Variants in NKAIN3 observed in about 807,000 individuals in gnomAD.
NKAIN3 encodes the protein sodium/potassium-transporting ATPase subunit beta-1-interacting protein 3.
NKAIN3 carries 25 observed loss-of-function variants against 30.2 expected under a neutral mutation model. The ratio of observed to expected loss-of-function variants is 0.83; its 90% CI spans 0.60 to 1.16. The LOEUF is 1.16. Ranked by LOEUF, NKAIN3 falls within the 50% of genes most tolerant of loss-of-function variation. The pLI, the probability that NKAIN3 is intolerant of heterozygous loss-of-function variation, is 0.00. For synonymous variants in NKAIN3, 91 were observed against 89.6 expected (o/e 1.02, Z -0.09); for missense variants, 225 against 254.1 (o/e 0.89, Z 0.78).
chr8:62,275,539 G>A (rs907572843), intron 1 of NKAIN3, among the ~76,000 whole-genome samples: 3 of 151,788 alleles, frequency 2.0e-5, no homozygotes, highest in Non-Finnish European at 4.4e-5. Flanking sequence ...ATTCTTTTTT[G>A]TAATCATAAA....
chr8:62,684,182 C>T (rs1286166592), intron 3 of NKAIN3, among the ~76,000 whole-genome samples: 2 of 152,162 alleles, frequency 1.3e-5, no homozygotes, highest in Non-Finnish European at 2.9e-5. Flanking sequence ...TTGTGTGAGA[C>T]TCACCTTGGC....
chr8:62,672,612 A>G (rs1422222488), intron 3 of NKAIN3, among the ~76,000 whole-genome samples: 1 of 152,180 alleles, frequency 6.6e-6, no homozygotes, highest in Non-Finnish European at 1.5e-5. Context: ...TGTCTACAAG[A>G]TGTGAGTGGA....
chr8:62,291,349 T>G (rs1289030903), intron 1 of NKAIN3, among the ~76,000 whole-genome samples: 4 of 152,234 alleles, frequency 2.6e-5, no homozygotes, highest in African/African-American at 4.8e-5. Flanking sequence ...ATTTTACATC[T>G]TTCCTGCTTT....
At chr8:62,614,669 C>G (rs1040860694) in intron 3 of NKAIN3, among the ~76,000 whole-genome samples, 14 of 152,140 alleles carry the variant, frequency 9.2e-5, no homozygotes, top group South Asian at 2.1e-4. Context: ...ACTTACAAAT[C>G]TACCTTGTGT....
chr8:62,318,595 T>C lies in NKAIN3; in HGVS notation c.54+69468T>C, dbSNP rs140706813. On this transcript the variant is annotated intron_variant, in intron 1 of 6. Transcript: ENST00000623646. ...TTGGTTCTCTATTGAGATAATCATG[T>C]GGTTTTTGTCATTGGTTCTGTTTAT... Among the ~76,000 whole-genome samples, 1,002 of 149,708 alleles carry C rather than the reference T, an allele frequency of 6.7e-3. 11 individuals are homozygous for C. The highest frequency in any genetic ancestry group is 0.025 in the African/African-American group (959 of 39,126).
intron 4 of NKAIN3, among the ~76,000 whole-genome samples, chr8:62,828,620 T>G (rs1819100606): frequency 1.1e-5 from 1 of 94,784 alleles, no homozygotes; most frequent in African/African-American, 3.3e-5. Context: ...ACAGGAGGAG[T>G]CAACACCCAC....
At chr8:62,470,693 TAA>T (rs1164058303) in intron 1 of NKAIN3, among the ~76,000 whole-genome samples, 1 of 152,122 alleles carries the variant, frequency 6.6e-6, no homozygotes, top group African/African-American at 2.4e-5. Context: ...GTGATAACGT[TAA>T]GATGTTTCGT....
At chr8:62,529,951 C>T (rs1808436108) in intron 1 of NKAIN3, among the ~76,000 whole-genome samples, 1 of 152,168 alleles carries the variant, frequency 6.6e-6, no homozygotes, top group Admixed American at 6.5e-5. Flanking sequence ...CTGGCACCAT[C>T]CAGTTGAGAT....
chr8:62,668,111 T>TACACACAC lies in NKAIN3; in HGVS notation c.273+78331_273+78338dup, dbSNP rs5891867. On this transcript the variant is annotated intron_variant, in intron 3 of 6. Coordinates refer to ENST00000623646, the MANE Select transcript of NKAIN3 (RefSeq NM_001304533.3). ...TCACACACACATACACACACACACATACACACACACACACACACACAGTCA... is the reference window on the plus strand; with the variant it reads ...TCACACACACATACACACACACACATACACACACACACACACACACACACACACAGTCA... 7.2e-3 allele frequency among the ~76,000 whole-genome samples: 1,070 copies of TACACACAC among 149,114 alleles called. 19 individuals carry two copies. Among genetic ancestry groups the TACACACAC allele is most frequent in the African/African-American group, 0.024 (995 of 40,866 alleles).
At chr8:62,878,120 T>A (rs936778653) in intron 4 of NKAIN3, among the ~76,000 whole-genome samples, 1 of 152,010 alleles carries the variant, frequency 6.6e-6, no homozygotes, top group African/African-American at 2.4e-5. Flanking sequence ...GTGCAATAAT[T>A]TGCTTTGTTT....
chr8:62,420,008 C>T (rs993195470), intron 1 of NKAIN3, among the ~76,000 whole-genome samples: 1 of 152,142 alleles, frequency 6.6e-6, no homozygotes, highest in African/African-American at 2.4e-5. Flanking sequence ...AAATTTACAG[C>T]CCACAACCAT....
At chr8:62,814,978 T>C (rs911366744) in intron 4 of NKAIN3, among the ~76,000 whole-genome samples, 3 of 151,960 alleles carry the variant, frequency 2.0e-5, no homozygotes, top group East Asian at 3.9e-4. Context: ...ATTGATAGAC[T>C]GCTAGCAAGA....
chr8:62,579,413 A>G (rs891897443), intron 1 of NKAIN3, 126 bp from the exon 2 acceptor site: 4 of 640,708 alleles, frequency 6.2e-6, no homozygotes, highest in Non-Finnish European at 1.0e-5. Context: ...GAAAATTCTA[A>G]TAATAACGGT....
chr8:62,699,669 A>T (rs1814270272), intron 3 of NKAIN3, among the ~76,000 whole-genome samples: 3 of 152,160 alleles, frequency 2.0e-5, no homozygotes, highest in Non-Finnish European at 4.4e-5. Context: ...TTATAGGAAG[A>T]TATTTAAACT....
intron 4 of NKAIN3, among the ~76,000 whole-genome samples, chr8:62,896,899 G>A (rs1426140681): frequency 6.6e-6 from 1 of 152,150 alleles, no homozygotes; most frequent in African/African-American, 2.4e-5. Flanking sequence ...AGATTGCAAT[G>A]AATTAAGCAA....
intron 4 of NKAIN3, among the ~76,000 whole-genome samples, chr8:62,878,595 T>G (rs1412303917): frequency 3.3e-5 from 5 of 152,050 alleles, no homozygotes; most frequent in Admixed American, 3.3e-4. Flanking sequence ...ATGTGCCATG[T>G]TGGTGTGCTG....
chr8:62,610,843 G>A (rs10108406), intron 3 of NKAIN3, among the ~76,000 whole-genome samples: 3,580 of 152,184 alleles, frequency 0.024, 101 homozygotes, highest in African/African-American at 0.074. Flanking sequence ...GAATACAGAA[G>A]GGGTTGGTTG....
At chr8:62,758,633 A>T (rs1407006612) in intron 4 of NKAIN3, among the ~76,000 whole-genome samples, 1 of 152,148 alleles carries the variant, frequency 6.6e-6, no homozygotes, top group Non-Finnish European at 1.5e-5. Context: ...AGCTGGGTTG[A>T]CAGAGTAAAT....
At chr8:62,275,431 G>A (rs1240759216) in intron 1 of NKAIN3, among the ~76,000 whole-genome samples, 1 of 152,126 alleles carries the variant, frequency 6.6e-6, no homozygotes, top group African/African-American at 2.4e-5. Context: ...TAGAAAAAGT[G>A]GAGAAAGAAA....
Sources: gnomAD v4.1 joint callset for allele counts (sites outside exome capture counted in the v4.1 genomes callset) on GRCh38, gnomAD v4.1.1 for gene constraint, MANE v1.5 for transcripts, NCBI Gene and HGNC (gene_info 2026-07-23, HGNC 2026-07-21) for gene names.